The following NRDE2 variants were observed in gnomAD, a reference collection of about 807,000 sequenced individuals.
NRDE2 encodes the protein nuclear exosome regulator NRDE2.
In NRDE2, 76 loss-of-function variants were observed where a neutral mutation model predicts 124.2. The observed-to-expected ratio is 0.61, with a 90% CI of 0.51 to 0.74. The LOEUF (loss-of-function observed/expected upper bound fraction) is 0.74, where lower values mean the gene tolerates loss of function less well. NRDE2 is among the 30% of genes least tolerant of loss of function. NRDE2 has a pLI of 0.00. For synonymous variants in NRDE2, 489 were observed against 528.1 expected (o/e 0.93, Z 1.01); for missense variants, 1,314 against 1,417.3 (o/e 0.93, Z 1.17).
chr14:90,325,261 T>G (rs1384980556), intron 1 of NRDE2, among the ~76,000 whole-genome samples: 2 of 152,178 alleles, frequency 1.3e-5, no homozygotes, highest in Admixed American at 6.5e-5. Flanking sequence ...ATATGAAGAT[T>G]AAATAAACTA....
In NRDE2 at chr14:90,292,845, T is replaced by A. The variant is rs2139679042; in HGVS notation, c.1694A>T (p.Asp565Val). The A allele has an allele frequency of 6.2e-7, 1 of 1,614,056 alleles. No homozygotes were observed. The highest frequency in any genetic ancestry group is 2.2e-5 in the East Asian group (1 of 44,876). The change falls in exon 9 of 14, where the codon GAT becomes GTT. Residue 565 changes from aspartate to valine, a missense_variant. By Grantham distance (152) the Asp-to-Val change is radical. Coordinates refer to ENST00000354366, the MANE Select transcript of NRDE2 (RefSeq NM_017970.4). ...AGTCTTATCTTTTATTTCCTGGTCA[T>A]CCTCTTCTGGTTCATCGTCATCCTC... Reference protein sequence around the residue: ...PDEDDDEPEEDDQEIKDKTLP... With the variant: ...PDEDDDEPEEVDQEIKDKTLP...
At chr14:90,316,883 C>A in intron 2 of NRDE2, 72 bp from the exon 3 acceptor site, 1 of 993,850 alleles carries the variant, frequency 1.0e-6, no homozygotes, top group South Asian at 1.6e-5. Context: ...GTAAATAAGT[C>A]AACAAATATT....
intron 1 of NRDE2, among the ~76,000 whole-genome samples, chr14:90,327,557 G>GA (rs60195751): frequency 6.6e-4 from 70 of 106,358 alleles, no homozygotes; most frequent in Admixed American, 1.1e-3. Flanking sequence ...TCTAAAAAAA[G>GA]AAAAAAAAAA....
rs928438316 is a variant in NRDE2 at position 90,292,842 on chromosome 14, T to A, written c.1697A>T (p.Asp566Val). 6 of 1,614,116 alleles carry A rather than the reference T, an allele frequency of 3.7e-6. No homozygotes were observed. The Admixed American group carries it at 6.7e-5, about 18-fold the overall frequency. The change falls in exon 9 of 14, where the codon GAC (aspartate) becomes GTC (valine). Residue 566 changes from aspartate (D) to valine (V), a missense_variant. Coordinates refer to ENST00000354366, the MANE Select transcript of NRDE2 (RefSeq NM_017970.4). ...CAGAGTCTTATCTTTTATTTCCTGG[T>A]CATCCTCTTCTGGTTCATCGTCATC... ...DEDDDEPEEDDQEIKDKTLPR... is the reference protein window; with the variant it reads ...DEDDDEPEEDVQEIKDKTLPR...
At chr14:90,308,528 GGGAGGAAA>G (rs1196286075) in intron 4 of NRDE2, among the ~76,000 whole-genome samples, 1 of 152,034 alleles carries the variant, frequency 6.6e-6, no homozygotes. Flanking sequence ...GGGGGTGGGA[GGGAGGAAA>G]AAAAGAAAAA....
intron 4 of NRDE2, among the ~76,000 whole-genome samples, chr14:90,308,982 C>T (rs1013616080): frequency 1.3e-5 from 2 of 152,032 alleles, no homozygotes; most frequent in Admixed American, 1.3e-4. Context: ...GTGGCTCATG[C>T]CTGTAATCCC....
At chr14:90,318,525 T>C (rs1595076203) in intron 1 of NRDE2, among the ~76,000 whole-genome samples, 1 of 152,230 alleles carries the variant, frequency 6.6e-6, no homozygotes, top group East Asian at 1.9e-4. Flanking sequence ...ATCGGCTGGG[T>C]ATGGTGGCTC....
At position 90,269,813 on chromosome 14, in the gene NRDE2, G is replaced by T; in HGVS notation, c.*8523C>A. ...CCCTTTTTAGCCTCAAGAACTTGCTGCTTTTTCTGGAAGAAATAATTCATG... is the reference window on the plus strand; with the variant it reads ...CCCTTTTTAGCCTCAAGAACTTGCTTCTTTTTCTGGAAGAAATAATTCATG... On this transcript the variant is annotated 3_prime_UTR_variant, in exon 14 of 14. Coordinates refer to ENST00000354366, the MANE Select transcript of NRDE2 (RefSeq NM_017970.4). The T allele has an allele frequency of 2.4e-6, 1 of 408,650 alleles. No homozygotes were observed. The highest frequency in any genetic ancestry group is 4.3e-6 in the Non-Finnish European group (1 of 231,358). The allele number at this position is 408,650 out of a possible 1,614,324, so 25.3% of individuals were successfully genotyped here. A position where few individuals can be genotyped will look rare whatever the true frequency, so the allele number is the denominator to read the frequency against.
At chr14:90,286,632 A>G (rs1042898255) in intron 11 of NRDE2, 140 bp from the exon 12 acceptor site, 7 of 1,092,698 alleles carry the variant, frequency 6.4e-6, no homozygotes, top group African/African-American at 4.8e-5. Context: ...TCAGGCGTAG[A>G]GCGCTGTGTA....
chr14:90,303,868 G>C (rs1884497209), intron 5 of NRDE2, 67 bp downstream of exon 5: 1 of 1,410,894 alleles, frequency 7.1e-7, no homozygotes, highest in Middle Eastern at 2.1e-4. Context: ...TTGCTGCACA[G>C]TCCATCAGTT....
chr14:90,311,936 T>G (rs1884856010), intron 4 of NRDE2, among the ~76,000 whole-genome samples: 1 of 152,244 alleles, frequency 6.6e-6, no homozygotes, highest in South Asian at 2.1e-4. Context: ...CATCTATTTT[T>G]ATGATTATCT....
intron 4 of NRDE2, among the ~76,000 whole-genome samples, chr14:90,311,841 G>C (rs1274461253): frequency 6.6e-6 from 1 of 152,024 alleles, no homozygotes; most frequent in Non-Finnish European, 1.5e-5. Context: ...GGACAAGTTT[G>C]GTCTAAAGGG....
In NRDE2 at chr14:90,288,204, G is replaced by A. The variant is rs571006135; in HGVS notation, c.3158+13C>T. 36 of 1,606,928 alleles carry A rather than the reference G, an allele frequency of 2.2e-5. No homozygotes were observed. The highest frequency in any genetic ancestry group is 1.0e-4 in the Admixed American group (6 of 59,468). On this transcript the variant is annotated intron_variant, in intron 11 of 13. Transcript: ENST00000354366. ...CATTTGCGGGGCACACGAACAGAAC[G>A]GTCTGGAATTACCTCTGGACAGTTT...
rs150433041 is a variant in NRDE2, at chr14:90,322,004, G to C, written c.65-3891C>G. Reference sequence around the variant, plus strand: ...ACCAACAGCTGGAGGCCCAGCTGTGGCCAAGGGCAAGCATCTGAACCTGAA... The same window carrying C: ...ACCAACAGCTGGAGGCCCAGCTGTGCCCAAGGGCAAGCATCTGAACCTGAA... On this transcript the variant is annotated intron_variant, in intron 1 of 13. Transcript: ENST00000354366. Among the ~76,000 whole-genome samples, 859 of 152,226 alleles carry C rather than the reference G, an allele frequency of 5.6e-3. 6 individuals carry two copies. The highest frequency in any genetic ancestry group is 0.014 in the Middle Eastern group (4 of 294).
intron 1 of NRDE2, among the ~76,000 whole-genome samples, chr14:90,326,033 A>G (rs1885418686): frequency 6.6e-6 from 1 of 152,206 alleles, no homozygotes; most frequent in South Asian, 2.1e-4. Context: ...ATAACAGCCA[A>G]AGACTGGAAA....
At position 90,274,834 on chromosome 14, in the gene NRDE2, ACACACC is replaced by A. The variant is rs1482243319; in HGVS notation, c.*3496_*3501del. 3 of 54,358 alleles carry A rather than the reference ACACACC, an allele frequency of 5.5e-5. No homozygotes were observed. Among genetic ancestry groups the A allele is most frequent in the African/African-American group, 1.4e-4 (2 of 14,664 alleles). The allele number at this position is 54,358 out of a possible 1,614,324, so 3.4% of individuals were successfully genotyped here. A position where few individuals can be genotyped will look rare whatever the true frequency, so the allele number is the denominator to read the frequency against. ...CACACACACACACACACACACACACACACACCCCAATACATATGAATTGATCTGAAA... is the reference window on the plus strand; with the variant it reads ...CACACACACACACACACACACACACACCAATACATATGAATTGATCTGAAA... On this transcript the variant is annotated 3_prime_UTR_variant, in exon 14 of 14. Coordinates refer to ENST00000354366, the MANE Select transcript of NRDE2 (RefSeq NM_017970.4).
chr14:90,299,436 A>C (rs1353765469), intron 7 of NRDE2, among the ~76,000 whole-genome samples: 1 of 152,102 alleles, frequency 6.6e-6, no homozygotes, highest in Non-Finnish European at 1.5e-5. Context: ...CACTGGCAAT[A>C]AATCTTTCCC....
At chr14:90,292,921 T>A in intron 8 of NRDE2, 49 bp from the exon 9 acceptor site, 1 of 1,555,672 alleles carries the variant, frequency 6.4e-7, no homozygotes, top group Admixed American at 1.7e-5. Flanking sequence ...AAAACCACCA[T>A]CGCCACTCAA....
chr14:90,284,736 C>T (rs562678636), intron 12 of NRDE2, among the ~76,000 whole-genome samples: 1 of 146,880 alleles, frequency 6.8e-6, no homozygotes, highest in South Asian at 2.1e-4. Flanking sequence ...TGACTGAGTA[C>T]CCCTGAACTA....
Sources: allele counts gnomAD v4.1 joint callset (sites outside exome capture counted in the v4.1 genomes callset), GRCh38; gene constraint gnomAD v4.1.1; transcripts MANE v1.5; gene names NCBI Gene and HGNC (gene_info 2026-07-23, HGNC 2026-07-21).